The following RPTOR variants were observed in gnomAD, a reference collection of about 807,000 sequenced individuals.
The protein encoded by RPTOR is regulatory associated protein of MTOR complex 1, also known as regulatory-associated protein of mTOR.
RPTOR carries 21 observed loss-of-function variants against 169.9 expected under a neutral mutation model. The observed-to-expected ratio is 0.12, with a 90% CI of 0.09 to 0.18. The LOEUF is 0.18. Ranked by LOEUF, RPTOR falls within the 10% of genes least tolerant of loss-of-function variation. RPTOR has a pLI of 1.00. For synonymous variants in RPTOR, 732 were observed against 753.2 expected (o/e 0.97, Z 0.46); for missense variants, 1,133 against 1,855.9 (o/e 0.61, Z 7.16).
At chr17:80,668,837 A>G (rs918277169) in intron 3 of RPTOR, among the ~76,000 whole-genome samples, 1 of 152,232 alleles carries the variant, frequency 6.6e-6, no homozygotes, top group Admixed American at 6.5e-5. Flanking sequence ...GGGTTTGAGC[A>G]TGAGAATGTT....
intron 3 of RPTOR, among the ~76,000 whole-genome samples, chr17:80,661,272 G>A (rs1360404317): frequency 6.6e-6 from 1 of 152,178 alleles, no homozygotes; most frequent in Admixed American, 6.5e-5. Context: ...GGGTTAGGAG[G>A]AGGAGAAAAA....
intron 5 of RPTOR, among the ~76,000 whole-genome samples, chr17:80,736,383 G>A (rs1040165162): frequency 1.6e-4 from 25 of 152,148 alleles, no homozygotes; most frequent in East Asian, 5.8e-4. Context: ...CTGCCACAGC[G>A]AGAAGCTTGC....
intron 1 of RPTOR, among the ~76,000 whole-genome samples, chr17:80,547,419 G>A (rs543417030): frequency 1.3e-5 from 2 of 152,234 alleles, no homozygotes; most frequent in Admixed American, 6.5e-5. Flanking sequence ...TGATTAATGG[G>A]TATACGTTTG....
chr17:80,941,657 T>C (rs2069030046), intron 25 of RPTOR, among the ~76,000 whole-genome samples: 1 of 152,274 alleles, frequency 6.6e-6, no homozygotes, highest in South Asian at 2.1e-4. Context: ...GTTTATTGTT[T>C]TGACCTTGCA....
At chr17:80,910,479 T>G (rs2068598470) in intron 21 of RPTOR, among the ~76,000 whole-genome samples, 1 of 152,208 alleles carries the variant, frequency 6.6e-6, no homozygotes, top group Non-Finnish European at 1.5e-5. Flanking sequence ...GCAGGAAGAA[T>G]GCAGGGAAAG....
At chr17:80,963,193 C>T (rs1032260225) in intron 33 of RPTOR, 136 bp downstream of exon 33, 12 of 868,262 alleles carry the variant, frequency 1.4e-5, no homozygotes, top group Non-Finnish European at 2.1e-5. Flanking sequence ...GAGGGAGGGA[C>T]TTGCCTGGGT....
intron 1 of RPTOR, among the ~76,000 whole-genome samples, chr17:80,553,956 G>T (rs1008295709): frequency 2.6e-5 from 4 of 152,094 alleles, no homozygotes; most frequent in African/African-American, 7.2e-5. Context: ...TGGCCAGGCT[G>T]GTCTCGAACT....
At chr17:80,596,345 C>A (rs1375989141) in intron 1 of RPTOR, among the ~76,000 whole-genome samples, 1 of 152,150 alleles carries the variant, frequency 6.6e-6, no homozygotes, top group Non-Finnish European at 1.5e-5. Context: ...CCTGTTGTAA[C>A]ACTGTGTGGT....
At chr17:80,585,812 T>A (rs1490509336) in intron 1 of RPTOR, among the ~76,000 whole-genome samples, 1 of 152,212 alleles carries the variant, frequency 6.6e-6, no homozygotes, top group East Asian at 1.9e-4. Context: ...TGGTTTGGGT[T>A]TTAAAGTATT....
intron 28 of RPTOR, among the ~76,000 whole-genome samples, chr17:80,950,694 G>A (rs547207740): frequency 2.4e-4 from 36 of 152,260 alleles, no homozygotes; most frequent in Non-Finnish European, 4.4e-5. Flanking sequence ...GCCCCAGCCC[G>A]GGGCCCTGGT....
chr17:80,644,291 A>G (rs973972371), intron 3 of RPTOR, among the ~76,000 whole-genome samples: 3 of 143,954 alleles, frequency 2.1e-5, no homozygotes, highest in African/African-American at 7.8e-5. Flanking sequence ...GGAGCCAGTT[A>G]CCAATTAGTG....
chr17:80,949,309 C>G, intron 27 of RPTOR, 134 bp from the exon 28 acceptor site: 3 of 757,772 alleles, frequency 4.0e-6, no homozygotes, highest in Non-Finnish European at 7.0e-6. Context: ...TCTGGAACCA[C>G]GGGTAGTGAG....
intron 20 of RPTOR, among the ~76,000 whole-genome samples, chr17:80,906,924 G>A (rs956278628): frequency 1.9e-4 from 29 of 152,110 alleles, no homozygotes; most frequent in Admixed American, 2.6e-4. Flanking sequence ...GTGGGGGCGC[G>A]CACAGCAGGG....
At chr17:80,745,941 C>G (rs966537302) in intron 5 of RPTOR, among the ~76,000 whole-genome samples, 6 of 152,204 alleles carry the variant, frequency 3.9e-5, no homozygotes, top group African/African-American at 1.2e-4. Context: ...GCGGGTGGAT[C>G]ACCTGAGGTT....
At chr17:80,847,671 C>T (rs747004441) in intron 11 of RPTOR, among the ~76,000 whole-genome samples, 2 of 152,194 alleles carry the variant, frequency 1.3e-5, no homozygotes, top group Non-Finnish European at 2.9e-5. Flanking sequence ...GCCCCACCTC[C>T]GGGTGTGGTG....
chr17:80,564,285 A>G (rs1434769072), intron 1 of RPTOR, among the ~76,000 whole-genome samples: 1 of 151,958 alleles, frequency 6.6e-6, no homozygotes, highest in Admixed American at 6.6e-5. Context: ...GATGGTCTCA[A>G]TCTCCTGACC....
intron 7 of RPTOR, among the ~76,000 whole-genome samples, chr17:80,792,826 TC>T (rs1040318110): frequency 3.3e-5 from 5 of 152,040 alleles, no homozygotes; most frequent in African/African-American, 1.2e-4. Flanking sequence ...GGCTTTTATT[TC>T]CCCCTCTGTT....
At chr17:80,551,870 C>T (rs1276547132) in intron 1 of RPTOR, among the ~76,000 whole-genome samples, 2 of 152,180 alleles carry the variant, frequency 1.3e-5, no homozygotes, top group Non-Finnish European at 2.9e-5. Context: ...GCAGAGGTCC[C>T]TGTGGCCTTC....
At chr17:80,906,246 T>C (rs1230650792) in intron 20 of RPTOR, among the ~76,000 whole-genome samples, 3 of 151,802 alleles carry the variant, frequency 2.0e-5, no homozygotes, top group African/African-American at 4.8e-5. Flanking sequence ...CCATCGCCGA[T>C]GTCCTTGTGT....
Sources: gnomAD v4.1 joint callset for allele counts (sites outside exome capture counted in the v4.1 genomes callset) on GRCh38, gnomAD v4.1.1 for gene constraint, MANE v1.5 for transcripts, NCBI Gene and HGNC (gene_info 2026-07-23, HGNC 2026-07-21) for gene names.